The following ADAM32 variants were observed in gnomAD, a reference collection of about 807,000 sequenced individuals.
The protein encoded by ADAM32 is ADAM metallopeptidase domain 32.
ADAM32 carries 89 observed loss-of-function variants against 114.9 expected under a neutral mutation model. That is an observed-to-expected ratio of 0.77 (90% CI 0.65 to 0.92). ADAM32 has a LOEUF of 0.92. Ranked by LOEUF, ADAM32 falls within the 40% of genes least tolerant of loss-of-function variation. The pLI, the probability that ADAM32 is intolerant of heterozygous loss-of-function variation, is 0.00. For synonymous variants in ADAM32, 285 were observed against 307.5 expected (o/e 0.93, Z 0.77); for missense variants, 870 against 932.8 (o/e 0.93, Z 0.88).
intron 2 of ADAM32, among the ~76,000 whole-genome samples, chr8:39,121,185 G>T (rs529265322): frequency 2.5e-3 from 375 of 152,248 alleles, no homozygotes; most frequent in Non-Finnish European, 4.6e-3. Context: ...GATTTAATCC[G>T]CCATGTCAAG....
chr8:39,157,369 A>G (rs559164323), intron 6 of ADAM32, among the ~76,000 whole-genome samples: 2 of 152,052 alleles, frequency 1.3e-5, no homozygotes, highest in African/African-American at 4.8e-5. Flanking sequence ...TTATTTTTCA[A>G]ATTTTCTTTC....
At chr8:39,207,061 C>A (rs1807890957) in intron 11 of ADAM32, among the ~76,000 whole-genome samples, 1 of 152,092 alleles carries the variant, frequency 6.6e-6, no homozygotes, top group African/African-American at 2.4e-5. Flanking sequence ...TAGCTGTCCA[C>A]AATAGGAATG....
In ADAM32 at chr8:39,211,193, C is replaced by G; in HGVS notation, c.1102C>G (p.Gln368Glu). The G allele has an allele frequency of 6.2e-7, 1 of 1,605,034 alleles. No individual in the cohort carries two copies. Among genetic ancestry groups the G allele is most frequent in the South Asian group, 1.1e-5 (1 of 89,214 alleles). ...TAGCAGTTGCAGTTTGAGGAGCTTT[C>G]AAAATTTCATTTCAAATGTGGGTGT... ...TFSSCSLRSF[Q>E]NFISNVGVKC... Residue 368 changes from glutamine (Q) to glutamate (E), a missense_variant, in exon 12 of 25, where the codon CAA becomes GAA. Transcript: ENST00000379907.
At position 39,274,339 on chromosome 8, in the gene ADAM32, A is replaced by C. The variant is rs907443741; in HGVS notation, c.2229A>C (p.Thr743=). Residue 743 remains threonine (T), a synonymous_variant, in exon 21 of 25, where the codon ACA becomes ACC. Coordinates refer to ENST00000379907, the MANE Select transcript of ADAM32 (RefSeq NM_145004.7). ...SQSSSEGSTQ[T]YASQTRSESS... is the part of the protein sequence containing the mutation. ...CCAGCTCAGAAGGCAGCACTCAGAC[A>C]TATGCCAGCCAGTAAGTAGGTTAGA... 8 of 1,613,406 alleles carry C rather than the reference A, an allele frequency of 5.0e-6. No homozygotes were observed. The highest frequency in any genetic ancestry group is 6.8e-6 in the Non-Finnish European group (8 of 1,179,602).
At chr8:39,278,598 G>A (rs1298848976) in intron 22 of ADAM32, among the ~76,000 whole-genome samples, 3 of 151,690 alleles carry the variant, frequency 2.0e-5, no homozygotes. Context: ...TTGGCTTTTA[G>A]CTTCTTCCAG....
intron 16 of ADAM32, among the ~76,000 whole-genome samples, chr8:39,244,713 G>A (rs1334063439): frequency 6.6e-6 from 1 of 152,170 alleles, no homozygotes; most frequent in Non-Finnish European, 1.5e-5. Context: ...GGTGTGGGGA[G>A]TGGGGAGGGA....
intron 24 of ADAM32, 92 bp downstream of exon 24, chr8:39,283,716 G>A: frequency 1.0e-6 from 1 of 989,022 alleles, no homozygotes; most frequent in Non-Finnish European, 1.5e-6. Flanking sequence ...AGTATGGACT[G>A]GGTAGATGAA....
chr8:39,228,270 C>A (rs1564639822), intron 14 of ADAM32, among the ~76,000 whole-genome samples: 1 of 152,128 alleles, frequency 6.6e-6, no homozygotes, highest in African/African-American at 2.4e-5. Flanking sequence ...CAAAACAAGG[C>A]TCTTTAACAT....
At chr8:39,121,514 G>A (rs1225590762) in intron 2 of ADAM32, among the ~76,000 whole-genome samples, 1 of 152,088 alleles carries the variant, frequency 6.6e-6, no homozygotes, top group Non-Finnish European at 1.5e-5. Flanking sequence ...ACGGGTTGAT[G>A]GGTGCAGCAA....
chr8:39,283,934 C>A (rs555622927), intron 24 of ADAM32, among the ~76,000 whole-genome samples: 1 of 152,048 alleles, frequency 6.6e-6, no homozygotes, highest in Admixed American at 6.6e-5. Context: ...CCGCCATGCC[C>A]GCCTAATTTT....
At chr8:39,257,576 G>A (rs1040857687) in intron 19 of ADAM32, among the ~76,000 whole-genome samples, 9 of 143,366 alleles carry the variant, frequency 6.3e-5, no homozygotes, top group African/African-American at 2.4e-4. Flanking sequence ...AGTTGAGAGA[G>A]GAAGAAGTCA....
At chr8:39,143,177 G>A (rs1343774421) in intron 3 of ADAM32, among the ~76,000 whole-genome samples, 1 of 152,110 alleles carries the variant, frequency 6.6e-6, no homozygotes, top group South Asian at 2.1e-4. Flanking sequence ...GGAGAAATTT[G>A]TTATTACCGA....
intron 2 of ADAM32, among the ~76,000 whole-genome samples, chr8:39,132,301 T>C (rs1331162420): frequency 2.0e-5 from 3 of 152,260 alleles, no homozygotes; most frequent in African/African-American, 7.2e-5. Flanking sequence ...ATGGTTGAAT[T>C]TATACTCAAT....
intron 12 of ADAM32, among the ~76,000 whole-genome samples, chr8:39,215,992 T>C (rs894022553): frequency 1.3e-5 from 2 of 152,052 alleles, no homozygotes; most frequent in Non-Finnish European, 2.9e-5. Flanking sequence ...GTGCTAAAAG[T>C]GGGATGTCAA....
At chr8:39,126,208 A>G (rs577642277) in intron 2 of ADAM32, among the ~76,000 whole-genome samples, 12 of 152,344 alleles carry the variant, frequency 7.9e-5, no homozygotes, top group African/African-American at 2.9e-4. Context: ...TCTATGAAGA[A>G]TGTCAATGGT....
At chr8:39,227,505 G>A (rs752992588) in intron 14 of ADAM32, among the ~76,000 whole-genome samples, 4 of 152,094 alleles carry the variant, frequency 2.6e-5, no homozygotes, top group Non-Finnish European at 4.4e-5. Context: ...CGGTGGGAGT[G>A]AGACAGGCCC....
At chr8:39,113,792 C>T (rs1041303588) in intron 1 of ADAM32, among the ~76,000 whole-genome samples, 18 of 152,280 alleles carry the variant, frequency 1.2e-4, no homozygotes, top group Admixed American at 2.0e-4. Flanking sequence ...GAAATCAAAA[C>T]GGTCAGTGTC....
intron 12 of ADAM32, among the ~76,000 whole-genome samples, chr8:39,216,114 T>A (rs72641210): frequency 0.13 from 19,600 of 152,014 alleles, 1,394 homozygotes; most frequent in Admixed American, 0.17. Context: ...ACAATTGTTA[T>A]ATACTCTTGC....
intron 23 of ADAM32, among the ~76,000 whole-genome samples, chr8:39,281,828 T>A (rs1038192964): frequency 6.6e-6 from 1 of 152,192 alleles, no homozygotes; most frequent in Non-Finnish European, 1.5e-5. Flanking sequence ...TGCCTAGTAT[T>A]TTTCCTTAAA....
Sources: allele counts gnomAD v4.1 joint callset (sites outside exome capture counted in the v4.1 genomes callset), GRCh38; gene constraint gnomAD v4.1.1; transcripts MANE v1.5; gene names NCBI Gene and HGNC (gene_info 2026-07-23, HGNC 2026-07-21).